The following NLGN1 variants were observed in gnomAD, a reference collection of about 807,000 sequenced individuals.
NLGN1 encodes neuroligin-1.
Under a neutral mutation model 65.5 loss-of-function variants are expected in NLGN1, and 12 were observed. The observed-to-expected ratio is 0.18, with a 90% CI of 0.12 to 0.30. The LOEUF (loss-of-function observed/expected upper bound fraction) is 0.30. Ranked by LOEUF, NLGN1 falls within the 10% of genes least tolerant of loss-of-function variation. The pLI is 1.00. For synonymous variants in NLGN1, 350 were observed against 359.5 expected (o/e 0.97, Z 0.30); for missense variants, 750 against 1,007.1 (o/e 0.74, Z 3.46).
At chr3:173,923,103 C>A (rs1163045893) in intron 4 of NLGN1, among the ~76,000 whole-genome samples, 3 of 151,974 alleles carry the variant, frequency 2.0e-5, no homozygotes, top group Admixed American at 6.6e-5. Flanking sequence ...GATACCTAAT[C>A]TAATAGTTTC....
chr3:173,460,576 A>G (rs985466791), intron 2 of NLGN1, among the ~76,000 whole-genome samples: 3 of 152,042 alleles, frequency 2.0e-5, no homozygotes, highest in Non-Finnish European at 4.4e-5. Flanking sequence ...GTTTTTTATC[A>G]TTTCTGGGAA....
chr3:173,574,673 A>C (rs530332121), intron 2 of NLGN1, among the ~76,000 whole-genome samples: 1 of 152,162 alleles, frequency 6.6e-6, no homozygotes, highest in Admixed American at 6.5e-5. Flanking sequence ...TTTATGACTC[A>C]AAAAAGGAAT....
intron 4 of NLGN1, among the ~76,000 whole-genome samples, chr3:174,062,669 A>G (rs1470966608): frequency 6.6e-6 from 1 of 152,180 alleles, no homozygotes; most frequent in East Asian, 1.9e-4. Context: ...TATTCAGAAG[A>G]TGAAACTATT....
chr3:173,479,950 G>T (rs1283999373), intron 2 of NLGN1, among the ~76,000 whole-genome samples: 1 of 152,114 alleles, frequency 6.6e-6, no homozygotes, highest in Non-Finnish European at 1.5e-5. Flanking sequence ...TTAGGGACTT[G>T]CAGACGATGA....
At chr3:173,707,329 T>A (rs74463508) in intron 3 of NLGN1, among the ~76,000 whole-genome samples, 8,293 of 152,278 alleles carry the variant, frequency 0.054, 230 homozygotes, top group South Asian at 0.077. Flanking sequence ...ACTTAATTTC[T>A]GTGTGGCTTT....
chr3:173,877,204 T>A (rs1321513344), intron 4 of NLGN1, among the ~76,000 whole-genome samples: 1 of 152,176 alleles, frequency 6.6e-6, no homozygotes, highest in East Asian at 1.9e-4. Flanking sequence ...GTACATAATA[T>A]CTGTGGATAT....
chr3:173,886,913 A>G (rs1734445526), intron 4 of NLGN1, among the ~76,000 whole-genome samples: 1 of 152,110 alleles, frequency 6.6e-6, no homozygotes, highest in African/African-American at 2.4e-5. Flanking sequence ...GGCGAGTTCA[A>G]GAAAAAATTG....
chr3:174,032,689 C>A (rs2152475576), intron 4 of NLGN1, among the ~76,000 whole-genome samples: 1 of 152,140 alleles, frequency 6.6e-6, no homozygotes, highest in East Asian at 1.9e-4. Flanking sequence ...TGGTGAAGAA[C>A]CAAGAAAGTT....
chr3:174,095,579 C>T (rs1010284763), intron 4 of NLGN1, among the ~76,000 whole-genome samples: 7 of 150,786 alleles, frequency 4.6e-5, no homozygotes, highest in African/African-American at 1.7e-4. Context: ...TGTATATGTA[C>T]ATATATAAAT....
At chr3:174,160,689 A>G (rs1035194010) in intron 4 of NLGN1, among the ~76,000 whole-genome samples, 1 of 150,478 alleles carries the variant, frequency 6.6e-6, no homozygotes, top group Non-Finnish European at 1.5e-5. Flanking sequence ...TATTATTCCA[A>G]TATAATAATT....
exon 6 of NLGN1, chr3:174,278,907 C>T (rs903350049): frequency 6.6e-7 from 1 of 1,511,364 alleles, no homozygotes; most frequent in East Asian, 2.3e-5. Context: ...CCCTTTCCAG[C>T]TGGGCTGTTA....
chr3:174,196,990 A>G (rs1561267830), intron 4 of NLGN1, among the ~76,000 whole-genome samples: 1 of 152,176 alleles, frequency 6.6e-6, no homozygotes, highest in Non-Finnish European at 1.5e-5. Flanking sequence ...TGTGCTTTCA[A>G]TAAATATTTA....
At chr3:173,693,031 A>T (rs1403409466) in intron 3 of NLGN1, among the ~76,000 whole-genome samples, 4 of 152,094 alleles carry the variant, frequency 2.6e-5, no homozygotes, top group Non-Finnish European at 5.9e-5. Context: ...GCCTAAAGAG[A>T]TTTGTTACTT....
At chr3:173,831,046 C>T (rs989646876) in intron 4 of NLGN1, among the ~76,000 whole-genome samples, 4 of 152,032 alleles carry the variant, frequency 2.6e-5, no homozygotes, top group Non-Finnish European at 5.9e-5. Context: ...CCCAATATCC[C>T]CCTTTAAAAA....
intron 2 of NLGN1, among the ~76,000 whole-genome samples, chr3:173,553,913 T>TC (rs1741296135): frequency 6.6e-6 from 1 of 152,046 alleles, no homozygotes; most frequent in Non-Finnish European, 1.5e-5. Flanking sequence ...GACTAAATTT[T>TC]CCCCCTGGGA....
chr3:173,975,786 A>G (rs1385380815), intron 4 of NLGN1, among the ~76,000 whole-genome samples: 1 of 151,764 alleles, frequency 6.6e-6, no homozygotes, highest in East Asian at 1.9e-4. Context: ...GCCCTTTATC[A>G]TATTTTTGGT....
intron 2 of NLGN1, among the ~76,000 whole-genome samples, chr3:173,602,614 A>G (rs1242359000): frequency 1.3e-5 from 2 of 152,034 alleles, no homozygotes; most frequent in Non-Finnish European, 2.9e-5. Flanking sequence ...CAAGTATTTG[A>G]TATCAGTTGT....
At chr3:174,040,850 A>AG (rs1382064201) in intron 4 of NLGN1, among the ~76,000 whole-genome samples, 3 of 152,150 alleles carry the variant, frequency 2.0e-5, no homozygotes, top group Non-Finnish European at 4.4e-5. Flanking sequence ...TTGTTTTGCT[A>AG]CAAATTTATT....
chr3:173,513,628 T>G (rs745824993), intron 2 of NLGN1, among the ~76,000 whole-genome samples: 38 of 152,230 alleles, frequency 2.5e-4, no homozygotes, highest in Non-Finnish European at 4.6e-4. Flanking sequence ...GATACCAAAG[T>G]AGAAACCAAA....
Sources: allele counts gnomAD v4.1 joint callset (sites outside exome capture counted in the v4.1 genomes callset), GRCh38; gene constraint gnomAD v4.1.1; transcripts MANE v1.5; gene names NCBI Gene and HGNC (gene_info 2026-07-23, HGNC 2026-07-21).